The following DNAH7 variants were observed in gnomAD, a reference collection of about 807,000 sequenced individuals.
DNAH7 encodes the protein dynein axonemal heavy chain 7, also known as axonemal beta dynein heavy chain 7.
DNAH7 carries 397 observed loss-of-function variants against 444.6 expected under a neutral mutation model. That is an observed-to-expected ratio of 0.89 (90% CI 0.82 to 0.97). The LOEUF (loss-of-function observed/expected upper bound fraction) is 0.97, where lower values mean the gene tolerates loss of function less well. DNAH7 is among the 50% of genes least tolerant of loss of function. The pLI is 0.00. For synonymous variants in DNAH7, 1,636 were observed against 1,624.4 expected (o/e 1.01, Z -0.17); for missense variants, 4,902 against 4,800.8 (o/e 1.02, Z -0.62).
chr2:195,891,904 A>G, intron 30 of DNAH7, 100 bp from the exon 31 acceptor site: 1 of 989,852 alleles, frequency 1.0e-6, no homozygotes, highest in South Asian at 2.6e-5. Context: ...ATCTACAAAG[A>G]AAGTATTAGA....
intron 59 of DNAH7, among the ~76,000 whole-genome samples, chr2:195,777,421 C>CT (rs1435756833): frequency 2.0e-5 from 3 of 152,206 alleles, no homozygotes; most frequent in African/African-American, 7.2e-5. Context: ...GAGATAATTA[C>CT]TTGCAACTGA....
chr2:195,815,769 G>A (rs548325893), intron 51 of DNAH7, among the ~76,000 whole-genome samples: 1 of 152,272 alleles, frequency 6.6e-6, no homozygotes, highest in East Asian at 1.9e-4. Context: ...TTGGGAGGCC[G>A]AGGCAGGTGG....
At chr2:196,049,790 G>A (rs764831442) in intron 3 of DNAH7, among the ~76,000 whole-genome samples, 12 of 152,086 alleles carry the variant, frequency 7.9e-5, no homozygotes, top group Non-Finnish European at 1.3e-4. Context: ...ATTATTATGC[G>A]TCTCAGCCAT....
intron 49 of DNAH7, 59 bp downstream of exon 49, chr2:195,824,196 G>T (rs1697601110): frequency 6.9e-7 from 1 of 1,448,404 alleles, no homozygotes; most frequent in Non-Finnish European, 9.3e-7. Context: ...TGACTCAGGA[G>T]GAATATATAG....
intron 14 of DNAH7, among the ~76,000 whole-genome samples, chr2:195,986,303 G>A (rs947836083): frequency 5.3e-5 from 8 of 152,166 alleles, no homozygotes; most frequent in Admixed American, 4.6e-4. Context: ...TAGAGCCTTA[G>A]AGCCGAAGTG....
At chr2:195,802,375 CTATAATTCCAGCT>C (rs2106008624) in intron 54 of DNAH7, among the ~76,000 whole-genome samples, 1 of 152,092 alleles carries the variant, frequency 6.6e-6, no homozygotes, top group South Asian at 2.1e-4. Context: ...TGGCGTGTGC[CTATAATTCCAGCT>C]ACTCGAGAAG....
At chr2:195,738,207 T>C in intron 64 of DNAH7, 80 bp from the exon 65 acceptor site, 3 of 1,296,100 alleles carry the variant, frequency 2.3e-6, no homozygotes, top group Non-Finnish European at 3.3e-6. Context: ...TATAGTATTC[T>C]CAGAGTAAGG....
intron 28 of DNAH7, among the ~76,000 whole-genome samples, chr2:195,898,149 T>G (rs968563903): frequency 6.6e-6 from 1 of 152,222 alleles, no homozygotes; most frequent in Non-Finnish European, 1.5e-5. Context: ...GGCAATCATT[T>G]TGAAAAGAGG....
chr2:195,745,636 A>C (rs897140187), intron 63 of DNAH7, among the ~76,000 whole-genome samples: 1 of 152,274 alleles, frequency 6.6e-6, no homozygotes, highest in Non-Finnish European at 1.5e-5. Context: ...AGGGAAGCCC[A>C]TCAGACTAAC....
chr2:195,825,579 A>C (rs991033046), intron 48 of DNAH7, among the ~76,000 whole-genome samples: 1 of 151,734 alleles, frequency 6.6e-6, no homozygotes, highest in East Asian at 1.9e-4. Context: ...ACACTGTATT[A>C]AAAAAAACTG....
At chr2:196,051,331 G>T in intron 2 of DNAH7, 82 bp from the exon 3 acceptor site, 1 of 1,062,434 alleles carries the variant, frequency 9.4e-7, no homozygotes, top group Non-Finnish European at 1.5e-6. Context: ...TTTACAGAAA[G>T]ACTATTTAAA....
At chr2:196,008,875 T>A (rs1211792657) in intron 10 of DNAH7, among the ~76,000 whole-genome samples, 2 of 152,152 alleles carry the variant, frequency 1.3e-5, no homozygotes, top group Admixed American at 6.6e-5. Flanking sequence ...ACTGGGTAAT[T>A]TATAAAGAAA....
chr2:195,950,871 A>AAAAC (rs1690198558), intron 19 of DNAH7, among the ~76,000 whole-genome samples: 1 of 147,306 alleles, frequency 6.8e-6, no homozygotes, highest in Non-Finnish European at 1.5e-5. Context: ...AAAAAAAAAA[A>AAAAC]AAAAAAAACC....
At chr2:195,862,345 CTTCT>C (rs1700068963) in intron 41 of DNAH7, among the ~76,000 whole-genome samples, 1 of 152,196 alleles carries the variant, frequency 6.6e-6, no homozygotes, top group Non-Finnish European at 1.5e-5. Context: ...CAAATCCTCT[CTTCT>C]TTCTTTGTCT....
At chr2:195,955,612 T>C (rs1055127148) in intron 19 of DNAH7, among the ~76,000 whole-genome samples, 2 of 152,298 alleles carry the variant, frequency 1.3e-5, no homozygotes, top group Admixed American at 6.5e-5. Context: ...AGTGGTTTCA[T>C]AGGATAAAAA....
At chr2:195,882,042 A>G (rs759510161) in intron 35 of DNAH7, 50 bp from the exon 36 acceptor site, 26 of 1,474,672 alleles carry the variant, frequency 1.8e-5, no homozygotes, top group Middle Eastern at 2.2e-4. Context: ...TACTTTAAAA[A>G]GCTCTATACT....
Position 196,019,307 on chromosome 2 carries a change from G to A in DNAH7, c.744-12C>T. The A allele has an allele frequency of 1.4e-6, 2 of 1,452,784 alleles. No individual in the cohort carries two copies. The highest frequency in any genetic ancestry group is 1.4e-5 in the African/African-American group (1 of 70,912). 90.0% of individuals were successfully genotyped at this position (1,452,784 alleles called of 1,614,324 possible). A position where few individuals can be genotyped will look rare whatever the true frequency, so the allele number is the denominator to read the frequency against. Reference sequence around the variant, plus strand: ...GCAGAATTTCCATTCTGAAAACAAAGAAAATATTTAGTTACAGTCTCAAAA... The same window carrying A: ...GCAGAATTTCCATTCTGAAAACAAAAAAAATATTTAGTTACAGTCTCAAAA... On this transcript the variant is annotated splice_polypyrimidine_tract_variant and intron_variant, in intron 8 of 64. Transcript: ENST00000312428.
At chr2:195,949,245 T>C (rs1404184667) in intron 19 of DNAH7, among the ~76,000 whole-genome samples, 1 of 152,142 alleles carries the variant, frequency 6.6e-6, no homozygotes, top group Non-Finnish European at 1.5e-5. Context: ...ACAGAGACAA[T>C]CTGACTTCCT....
At chr2:195,959,512 T>TG (rs1316011777) in intron 18 of DNAH7, among the ~76,000 whole-genome samples, 2 of 152,152 alleles carry the variant, frequency 1.3e-5, no homozygotes, top group Non-Finnish European at 2.9e-5. Context: ...ACACAGAGAA[T>TG]GAGCCAAGAC....
Sources: allele counts gnomAD v4.1 joint callset (sites outside exome capture counted in the v4.1 genomes callset), GRCh38; gene constraint gnomAD v4.1.1; transcripts MANE v1.5; gene names NCBI Gene and HGNC (gene_info 2026-07-23, HGNC 2026-07-21).